ZFAT: variants seen among roughly 807,000 people sequenced by gnomAD.
The protein encoded by ZFAT is zinc finger and AT-hook domain containing, also known as zinc finger protein ZFAT.
In ZFAT, 64 loss-of-function variants were observed where a neutral mutation model predicts 117.7. The ratio of observed to expected loss-of-function variants is 0.54; its 90% CI spans 0.44 to 0.67. ZFAT has a LOEUF of 0.67. ZFAT is among the 30% of genes least tolerant of loss of function. The probability of loss-of-function intolerance (pLI) is 0.00; values close to 1 mark genes in which losing one functional copy is unlikely to be tolerated. For synonymous variants in ZFAT, 679 were observed against 615.0 expected, an observed-to-expected ratio of 1.10 and a Z score of -1.54; for missense variants, 1,433 against 1,584.5, an observed-to-expected ratio of 0.90 and a Z score of 1.62.
At chr8:134,732,665 A>G in the ZFAT span, among the ~76,000 whole-genome samples, 1 of 152,186 alleles carries the variant, frequency 6.6e-6, no homozygotes, top group Admixed American at 6.5e-5. Context: ...AAAAATTAGG[A>G]GCGTTTCAGA....
At chr8:134,776,392 C>T in the ZFAT span, among the ~76,000 whole-genome samples, 4 of 152,292 alleles carry the variant, frequency 2.6e-5, no homozygotes, top group African/African-American at 4.8e-5. Flanking sequence ...CTGCCTTGAC[C>T]GCCCAGGCTC....
intron 7 of ZFAT, among the ~76,000 whole-genome samples, chr8:134,591,274 G>C (rs1826483139): frequency 6.6e-6 from 1 of 152,370 alleles, no homozygotes; most frequent in Non-Finnish European, 1.5e-5. Context: ...AGGAGCCAGT[G>C]TTGGAAGTAG....
chr8:134,615,404 G>T (rs1828647535), intron 3 of ZFAT, among the ~76,000 whole-genome samples: 1 of 152,074 alleles, frequency 6.6e-6, no homozygotes, highest in Admixed American at 6.5e-5. Context: ...AGCCAGACTG[G>T]TCTCAAACTC....
chr8:134,796,986 T>C, the ZFAT span: 1 of 152,318 alleles, frequency 6.6e-6, no homozygotes, highest in East Asian at 1.9e-4. Flanking sequence ...TTGAAGAATT[T>C]ATAACATTAA....
At chr8:134,649,176 C>T (rs1420795829) in intron 2 of ZFAT, among the ~76,000 whole-genome samples, 1 of 150,742 alleles carries the variant, frequency 6.6e-6, no homozygotes, top group Non-Finnish European at 1.5e-5. Context: ...CACACACACA[C>T]ACACACACAC....
intron 11 of ZFAT, among the ~76,000 whole-genome samples, chr8:134,552,769 G>A (rs890681799): frequency 3.9e-5 from 6 of 152,328 alleles, no homozygotes; most frequent in East Asian, 3.9e-4. Context: ...AAGCAAAAGC[G>A]TCTAAAGTAA....
intron 1 of ZFAT, among the ~76,000 whole-genome samples, chr8:134,681,709 A>C (rs1411211426): frequency 6.6e-6 from 1 of 152,182 alleles, no homozygotes; most frequent in East Asian, 1.9e-4. Flanking sequence ...CTATTAAATT[A>C]TCTATCTTAT....
In ZFAT at chr8:134,583,818, G is replaced by A. The variant is rs1400668476; in HGVS notation, c.2887+14C>T. 6.2e-7 allele frequency: 1 copy of A among 1,612,552 alleles called. No homozygotes were observed. Among genetic ancestry groups the A allele is most frequent in the Non-Finnish European group, 8.5e-7 (1 of 1,179,282 alleles). ...CATTTAGAGGGGAAAGTTCACCTTG[G>A]GCCATTTACTCACCATCTGCAGTGT... On this transcript the variant is annotated intron_variant, in intron 10 of 15. Transcript: ENST00000377838.
chr8:134,766,616 C>T, the ZFAT span: 1 of 152,214 alleles, frequency 6.6e-6, no homozygotes, highest in Non-Finnish European at 1.5e-5. Context: ...ACTCTACACA[C>T]TGGGTTCCAC....
chr8:134,643,459 G>C (rs928820697), intron 2 of ZFAT, among the ~76,000 whole-genome samples: 2 of 152,222 alleles, frequency 1.3e-5, no homozygotes, highest in African/African-American at 4.8e-5. Context: ...AGGTACAGGA[G>C]GGTACAATGT....
At chr8:134,797,372 T>C in the ZFAT span, 2 of 152,196 alleles carry the variant, frequency 1.3e-5, no homozygotes, top group East Asian at 1.9e-4. Context: ...AAAAACCTTA[T>C]AAAAGTCCTC....
the ZFAT span, among the ~76,000 whole-genome samples, chr8:134,817,394 TACACA>T: frequency 7.9e-5 from 10 of 126,072 alleles, no homozygotes; most frequent in African/African-American, 2.4e-4. Context: ...TCTCTCTCTC[TACACA>T]CACACACACA....
At chr8:134,740,308 GC>G in the ZFAT span, among the ~76,000 whole-genome samples, 1 of 152,190 alleles carries the variant, frequency 6.6e-6, no homozygotes, top group Admixed American at 6.5e-5. Flanking sequence ...CATCCTAAGT[GC>G]TAGACATGGG....
At chr8:134,558,284 T>G (rs1235054993) in intron 11 of ZFAT, among the ~76,000 whole-genome samples, 1 of 152,186 alleles carries the variant, frequency 6.6e-6, no homozygotes, top group Admixed American at 6.5e-5. Context: ...CAGGAATGGC[T>G]TGGCAGGGCT....
chr8:134,590,187 G>T, intron 8 of ZFAT, 81 bp downstream of exon 8: 2 of 1,030,094 alleles, frequency 1.9e-6, no homozygotes, highest in Non-Finnish European at 1.5e-6. Flanking sequence ...TCTATATAGT[G>T]CAGTTAATGT....
At position 134,512,609 on chromosome 8, in the gene ZFAT, A is replaced by G. The variant is rs773887792; in HGVS notation, c.3235-8T>C. On this transcript the variant is annotated splice_polypyrimidine_tract_variant and splice_region_variant and intron_variant, in intron 13 of 15. Transcript: ENST00000377838. Reference sequence around the variant, plus strand: ...AGGAGCTTCTGTTGCTGTCTAAATAAAAACATAGTACCTAAGTCATCTCCT... The same window carrying G: ...AGGAGCTTCTGTTGCTGTCTAAATAGAAACATAGTACCTAAGTCATCTCCT... 1.2e-6 allele frequency: 2 copies of G among 1,612,292 alleles called. No homozygotes were observed. The highest frequency in any genetic ancestry group is 2.2e-5 in the South Asian group (2 of 90,934).
At chr8:134,491,685 A>T (rs1440636549) in intron 15 of ZFAT, among the ~76,000 whole-genome samples, 1 of 152,174 alleles carries the variant, frequency 6.6e-6, no homozygotes, top group African/African-American at 2.4e-5. Flanking sequence ...TTACGATGTC[A>T]TCTCTCTGGT....
intron 1 of ZFAT, among the ~76,000 whole-genome samples, chr8:134,672,783 T>C (rs1364797551): frequency 6.6e-6 from 1 of 152,060 alleles, no homozygotes; most frequent in African/African-American, 2.4e-5. Flanking sequence ...CCAGTGAAAA[T>C]ATCCTTCAGG....
At chr8:134,690,478 C>T (rs1407056388) in intron 1 of ZFAT, among the ~76,000 whole-genome samples, 1 of 152,210 alleles carries the variant, frequency 6.6e-6, no homozygotes, top group Non-Finnish European at 1.5e-5. Flanking sequence ...AAACATACAA[C>T]TTCAATTCCA....
Sources: allele counts gnomAD v4.1 joint callset (sites outside exome capture counted in the v4.1 genomes callset), GRCh38; gene constraint gnomAD v4.1.1; transcripts MANE v1.5; gene names NCBI Gene and HGNC (gene_info 2026-07-23, HGNC 2026-07-21).